The following ANKRD30B variants were observed in gnomAD, a reference collection of about 807,000 sequenced individuals.
ANKRD30B encodes the protein ankyrin repeat domain 30B.
Under a neutral mutation model 202.2 loss-of-function variants are expected in ANKRD30B, and 144 were observed. The observed-to-expected ratio is 0.71, with a 90% CI of 0.62 to 0.82. The LOEUF (loss-of-function observed/expected upper bound fraction) is 0.82, where lower values mean the gene tolerates loss of function less well. Among genes scored for constraint, ANKRD30B ranks in the 40% least tolerant of loss-of-function variants. ANKRD30B has a pLI of 0.00. For synonymous variants in ANKRD30B, 508 were observed against 561.3 expected, an observed-to-expected ratio of 0.91 and a Z score of 1.34; for missense variants, 1,487 against 1,669.1, an observed-to-expected ratio of 0.89 and a Z score of 1.90.
intron 22 of ANKRD30B, among the ~76,000 whole-genome samples, chr18:14,799,678 T>A (rs1423265130): frequency 2.6e-5 from 4 of 152,122 alleles, no homozygotes; most frequent in Non-Finnish European, 5.9e-5. Flanking sequence ...GAGGTGACAG[T>A]TGTGAGCATT....
chr18:14,811,546 G>T (rs1390079339), intron 28 of ANKRD30B, among the ~76,000 whole-genome samples: 8 of 146,236 alleles, frequency 5.5e-5, no homozygotes, highest in African/African-American at 2.1e-4. Flanking sequence ...TTATTGCCTA[G>T]AAGTAACCAA....
At chr18:14,809,793 T>TAGC (rs1969800917) in intron 26 of ANKRD30B, among the ~76,000 whole-genome samples, 193 bp from the exon 27 acceptor site, 3 of 151,004 alleles carry the variant, frequency 2.0e-5, no homozygotes, top group Non-Finnish European at 4.4e-5. Flanking sequence ...TTTCATTCCA[T>TAGC]AGCAATAGTT....
chr18:14,906,132 T>A, the ANKRD30B span, among the ~76,000 whole-genome samples: 6 of 152,200 alleles, frequency 3.9e-5, no homozygotes, highest in South Asian at 1.2e-3. Context: ...TAAAGTGGCA[T>A]AAAGAACAGA....
the ANKRD30B span, among the ~76,000 whole-genome samples, chr18:14,931,901 GCCCCCC>G: frequency 7.2e-6 from 1 of 138,026 alleles, no homozygotes; most frequent in Non-Finnish European, 1.6e-5. Context: ...TCTGTCCCAG[GCCCCCC>G]ACCCCACCTC....
At chr18:14,931,605 G>A in the ANKRD30B span, among the ~76,000 whole-genome samples, 1 of 152,098 alleles carries the variant, frequency 6.6e-6, no homozygotes, top group Admixed American at 6.5e-5. Context: ...TTGTGTGGGT[G>A]TGGGAGGCTC....
intron 11 of ANKRD30B, among the ~76,000 whole-genome samples, chr18:14,782,078 C>T (rs1325559452): frequency 1.3e-5 from 2 of 152,302 alleles, no homozygotes; most frequent in African/African-American, 2.4e-5. Context: ...TCTCGGCCTT[C>T]GAAGAAGTTT....
At chr18:14,927,890 G>C in the ANKRD30B span, among the ~76,000 whole-genome samples, 1 of 152,138 alleles carries the variant, frequency 6.6e-6, no homozygotes, top group Middle Eastern at 3.2e-3. Flanking sequence ...TCCACCACAC[G>C]TGTGGAATTT....
At chr18:14,821,531 C>G (rs1486931470) in intron 30 of ANKRD30B, among the ~76,000 whole-genome samples, 4 of 152,200 alleles carry the variant, frequency 2.6e-5, no homozygotes, top group Non-Finnish European at 5.9e-5. Context: ...GATCTTGACT[C>G]ACTGCCACCT....
chr18:14,933,131 C>G, the ANKRD30B span, among the ~76,000 whole-genome samples: 3 of 152,140 alleles, frequency 2.0e-5, no homozygotes, highest in Admixed American at 1.3e-4. Context: ...TCCTGCTAAG[C>G]GTGACAATCC....
intron 26 of ANKRD30B, 58 bp from the exon 27 acceptor site, chr18:14,809,928 T>A (rs899471094): frequency 3.0e-6 from 4 of 1,330,484 alleles, no homozygotes; most frequent in African/African-American, 2.9e-5. Flanking sequence ...TCTATGAACA[T>A]TTGGTAGGCT....
chr18:14,815,670 T>G (rs1221624647), intron 30 of ANKRD30B, among the ~76,000 whole-genome samples: 2 of 152,352 alleles, frequency 1.3e-5, no homozygotes, highest in African/African-American at 4.8e-5. Context: ...AATTCTGAAT[T>G]TATTGCTTGA....
At chr18:14,757,080 T>A (rs189077470) in intron 4 of ANKRD30B, among the ~76,000 whole-genome samples, 13 of 152,254 alleles carry the variant, frequency 8.5e-5, no homozygotes, top group Admixed American at 3.3e-4. Flanking sequence ...TTTTTCATAG[T>A]GTATTTTTAT....
At chr18:14,790,985 C>T (rs1968458333) in intron 15 of ANKRD30B, among the ~76,000 whole-genome samples, 2 of 152,142 alleles carry the variant, frequency 1.3e-5, no homozygotes, top group African/African-American at 4.8e-5. Context: ...CCTCCTTATA[C>T]CTCTGGAAGA....
At chr18:14,826,887 G>T (rs1039672965) in intron 32 of ANKRD30B, among the ~76,000 whole-genome samples, 9 of 152,074 alleles carry the variant, frequency 5.9e-5, no homozygotes, top group African/African-American at 2.2e-4. Flanking sequence ...CACAGTGAGA[G>T]ATTAACAGGA....
intron 34 of ANKRD30B, among the ~76,000 whole-genome samples, chr18:14,834,835 A>C (rs957721784): frequency 6.6e-6 from 1 of 151,958 alleles, no homozygotes; most frequent in African/African-American, 2.4e-5. Flanking sequence ...AAGGAATGAA[A>C]ATTTAATTCT....
chr18:14,852,612 A>G (rs926930100), intron 42 of ANKRD30B, 192 bp downstream of exon 42: 4 of 636,600 alleles, frequency 6.3e-6, no homozygotes, highest in Non-Finnish European at 6.8e-6. Flanking sequence ...GAGTAAAGGT[A>G]TTGTGTCACT....
chr18:14,826,953 A>G (rs149856575), intron 32 of ANKRD30B, among the ~76,000 whole-genome samples: 1 of 152,288 alleles, frequency 6.6e-6, no homozygotes, highest in Non-Finnish European at 1.5e-5. Flanking sequence ...TTAGGTGAAT[A>G]TGGTCCCTCA....
At chr18:14,825,188 G>A (rs530268626) in intron 32 of ANKRD30B, 2 of 152,244 alleles carry the variant, frequency 1.3e-5, no homozygotes, top group East Asian at 1.9e-4. Flanking sequence ...TCATATTTGA[G>A]GGTTCCATCA....
chr18:14,754,039 T>C (rs775568660), intron 3 of ANKRD30B, among the ~76,000 whole-genome samples: 2 of 152,150 alleles, frequency 1.3e-5, no homozygotes, highest in African/African-American at 2.4e-5. Flanking sequence ...GAATAAACTT[T>C]TATACTGAAT....
Sources: gnomAD v4.1 joint callset for allele counts (sites outside exome capture counted in the v4.1 genomes callset) on GRCh38, gnomAD v4.1.1 for gene constraint, MANE v1.5 for transcripts, NCBI Gene and HGNC (gene_info 2026-07-23, HGNC 2026-07-21) for gene names.